The following VAT1L variants were observed in gnomAD, a reference collection of about 807,000 sequenced individuals.
The protein encoded by VAT1L is vesicle amine transport 1 like.
Under a neutral mutation model 44.1 loss-of-function variants are expected in VAT1L, and 34 were observed. The ratio of observed to expected loss-of-function variants is 0.77; its 90% confidence interval spans 0.59 to 1.03. The LOEUF is 1.03. VAT1L is among the 50% of genes least tolerant of loss of function. The pLI is 0.00. For synonymous variants in VAT1L, 253 were observed against 202.2 expected, an observed-to-expected ratio of 1.25 and a Z score of -2.13; for missense variants, 615 against 538.8, an observed-to-expected ratio of 1.14 and a Z score of -1.40.
chr16:77,926,211 C>T (rs987028796), intron 7 of VAT1L, among the ~76,000 whole-genome samples: 10 of 146,682 alleles, frequency 6.8e-5, no homozygotes, highest in African/African-American at 2.0e-4. Flanking sequence ...CGAGATCGCA[C>T]CACTGCACTC....
chr16:77,788,697 C>A lies in VAT1L; in HGVS notation c.15C>A (p.Gly5=), dbSNP rs377554393. Reference sequence around the variant, plus strand: ...CCTCGAGCGCCATGGCCAAGGAAGGCGTGGAGAAGGCGGAGGAGACGGAGC... The same window carrying A: ...CCTCGAGCGCCATGGCCAAGGAAGGAGTGGAGAAGGCGGAGGAGACGGAGC... MAKE[G]VEKAEETEQM... The change falls in exon 1 of 9, where the codon GGC becomes GGA. Residue 5 remains glycine (G), a synonymous_variant. Coordinates refer to ENST00000302536, the MANE Select transcript of VAT1L (RefSeq NM_020927.3). 6.4e-7 allele frequency: 1 copy of A among 1,551,500 alleles called. No homozygotes were observed. Among genetic ancestry groups the A allele is most frequent in the Non-Finnish European group, 8.7e-7 (1 of 1,147,302 alleles).
chr16:77,896,867 A>C (rs1390239195), intron 7 of VAT1L, among the ~76,000 whole-genome samples: 1 of 152,196 alleles, frequency 6.6e-6, no homozygotes, highest in African/African-American at 2.4e-5. Context: ...AAAATACTTC[A>C]CAAAACTGGA....
chr16:77,968,529 T>A (rs2018247192), intron 7 of VAT1L, among the ~76,000 whole-genome samples: 1 of 152,010 alleles, frequency 6.6e-6, no homozygotes, highest in Non-Finnish European at 1.5e-5. Context: ...ATCAAGACCA[T>A]CCTAGCTAAC....
chr16:77,932,516 G>A (rs1489292462), intron 7 of VAT1L, among the ~76,000 whole-genome samples: 1 of 152,178 alleles, frequency 6.6e-6, no homozygotes, highest in Non-Finnish European at 1.5e-5. Context: ...TTTGACTGTG[G>A]AAACTCTTTT....
chr16:77,810,574 G>C (rs927252575), intron 1 of VAT1L, among the ~76,000 whole-genome samples: 1 of 152,168 alleles, frequency 6.6e-6, no homozygotes, highest in African/African-American at 2.4e-5. Flanking sequence ...GGAAGCCAAA[G>C]TGGGAGGATC....
chr16:77,950,228 G>A (rs56010331), intron 7 of VAT1L, among the ~76,000 whole-genome samples: 26,632 of 152,056 alleles, frequency 0.18, 2,429 homozygotes, highest in Middle Eastern at 0.26. Context: ...GGCCAACATG[G>A]GGAAACCCCA....
chr16:77,911,741 G>A (rs2017501726), intron 7 of VAT1L, among the ~76,000 whole-genome samples: 1 of 152,124 alleles, frequency 6.6e-6, no homozygotes, highest in South Asian at 2.1e-4. Flanking sequence ...GCACCCCAAG[G>A]GGATGGATGG....
At chr16:77,828,469 G>T (rs1261904447) in intron 3 of VAT1L, among the ~76,000 whole-genome samples, 1 of 152,162 alleles carries the variant, frequency 6.6e-6, no homozygotes, top group Non-Finnish European at 1.5e-5. Context: ...TTCGAGACCA[G>T]CCTGGCCAAC....
intron 7 of VAT1L, among the ~76,000 whole-genome samples, chr16:77,946,358 A>C (rs1423138845): frequency 1.6e-5 from 2 of 126,224 alleles, no homozygotes; most frequent in East Asian, 5.4e-4. Context: ...ATCTCAGCTC[A>C]CTGCAAGTTC....
At chr16:77,899,758 A>G (rs953283470) in intron 7 of VAT1L, among the ~76,000 whole-genome samples, 10 of 152,194 alleles carry the variant, frequency 6.6e-5, no homozygotes, top group Non-Finnish European at 1.5e-4. Context: ...CAACCTTTCC[A>G]GGGTTGATAA....
At chr16:77,876,666 T>C (rs11865311) in intron 5 of VAT1L, among the ~76,000 whole-genome samples, 193 bp downstream of exon 5, 1 of 152,222 alleles carries the variant, frequency 6.6e-6, no homozygotes, top group African/African-American at 2.4e-5. Context: ...GTGCCTACTG[T>C]CCTATATCCT....
intron 4 of VAT1L, among the ~76,000 whole-genome samples, chr16:77,864,740 G>C (rs746978269): frequency 6.6e-6 from 1 of 152,180 alleles, no homozygotes; most frequent in Non-Finnish European, 1.5e-5. Context: ...TCTTGAAAAG[G>C]AGGGGGTTCT....
intron 7 of VAT1L, among the ~76,000 whole-genome samples, chr16:77,952,561 T>C (rs1026090311): frequency 6.6e-6 from 1 of 151,886 alleles, no homozygotes; most frequent in Non-Finnish European, 1.5e-5. Context: ...ATGCTTCCCA[T>C]AAAGCCTGCA....
At chr16:77,925,241 C>A (rs2017653393) in intron 7 of VAT1L, among the ~76,000 whole-genome samples, 1 of 152,088 alleles carries the variant, frequency 6.6e-6, no homozygotes, top group Admixed American at 6.5e-5. Flanking sequence ...GTGAGGGCCT[C>A]CTTAAATTTT....
At position 77,957,595 on chromosome 16, in the gene VAT1L, C is replaced by T. The variant is rs1054573257; in HGVS notation, c.1078-14255C>T. On this transcript the variant is annotated intron_variant, in intron 7 of 8. Coordinates refer to ENST00000302536, the MANE Select transcript of VAT1L (RefSeq NM_020927.3). The stretch of plus-strand genomic sequence containing the variant: ...CAAAACTTAGCTGGGTGTGGTGGCA[C>T]GTGCCTGTAATCCCAGCTACTCGGG... Among the ~76,000 whole-genome samples the T allele has an allele frequency of 7.5e-4, 114 of 151,760 alleles. 1 individual carries two copies. Among genetic ancestry groups the T allele is most frequent in the African/African-American group, 2.7e-3 (110 of 41,418 alleles).
rs1555518307 is a variant in VAT1L, at chr16:77,902,738, G to GGT, written c.1077+17937_1077+17938insTG. Among the ~76,000 whole-genome samples, 27 of 132,198 alleles carry GGT rather than the reference G, an allele frequency of 2.0e-4. 1 individual carries two copies. The highest frequency in any genetic ancestry group is 3.8e-4 in the Admixed American group (5 of 13,144). 86.7% of individuals were successfully genotyped at this position (132,198 alleles called of 152,430 possible). ...TGGGAGGCCGATGGGGGGGTGGGGGGGGTGTGGATCACCTGAGGTCAGGAG... is the reference window on the plus strand; with the variant it reads ...TGGGAGGCCGATGGGGGGGTGGGGGGGTGGTGTGGATCACCTGAGGTCAGGAG... On this transcript the variant is annotated intron_variant, in intron 7 of 8. Coordinates refer to ENST00000302536, the MANE Select transcript of VAT1L (RefSeq NM_020927.3).
Position 77,962,656 on chromosome 16 carries a change from G to C in VAT1L, c.1078-9194G>C, listed in dbSNP as rs114586352. 7.9e-3 allele frequency among the ~76,000 whole-genome samples: 1,201 copies of C among 151,766 alleles called. 27 individuals are homozygous for C. Among genetic ancestry groups the C allele is most frequent in the African/African-American group, 0.027 (1,105 of 41,360 alleles). On this transcript the variant is annotated intron_variant, in intron 7 of 8. Transcript: ENST00000302536. ...CCAGCACATCAGGAGGCCAAGGCAGGAGGACGGCTTCAATCCAGGAGTTCA... is the reference window on the plus strand; with the variant it reads ...CCAGCACATCAGGAGGCCAAGGCAGCAGGACGGCTTCAATCCAGGAGTTCA...
intron 2 of VAT1L, 148 bp from the exon 3 acceptor site, chr16:77,825,098 C>A: frequency 1.3e-6 from 1 of 770,232 alleles, no homozygotes; most frequent in Non-Finnish European, 2.2e-6. Flanking sequence ...AACTCCTGAT[C>A]TTGATTGATT....
At position 77,938,261 on chromosome 16, in the gene VAT1L, G is replaced by A. The variant is rs2017828303; in HGVS notation, c.1078-33589G>A. Among the ~76,000 whole-genome samples, 3 of 152,156 alleles carry A rather than the reference G, an allele frequency of 2.0e-5. No individual in the cohort carries two copies. In the South Asian group the frequency reaches 6.2e-4, roughly 32 times the overall value. On this transcript the variant is annotated intron_variant, in intron 7 of 8. Transcript: ENST00000302536. ...GTGTCTTATGTCTCCCTTGCCTGCTGGATCCTGATTCAACAGATATTTATT... is the reference window on the plus strand; with the variant it reads ...GTGTCTTATGTCTCCCTTGCCTGCTAGATCCTGATTCAACAGATATTTATT...
Sources: gnomAD v4.1 joint callset for allele counts (sites outside exome capture counted in the v4.1 genomes callset) on GRCh38, gnomAD v4.1.1 for gene constraint, MANE v1.5 for transcripts, NCBI Gene and HGNC (gene_info 2026-07-23, HGNC 2026-07-21) for gene names.